CACNA1G: variants seen among roughly 807,000 people sequenced by gnomAD.
CACNA1G encodes calcium voltage-gated channel subunit alpha1 G.
Under a neutral mutation model 219.4 loss-of-function variants are expected in CACNA1G, and 67 were observed. That is an observed-to-expected ratio of 0.31 (90% CI 0.25 to 0.37). CACNA1G has a LOEUF of 0.37. CACNA1G is among the 10% of genes least tolerant of loss of function. CACNA1G has a pLI of 1.00. For missense variants in CACNA1G, 2,380 were observed against 3,231.4 expected, an observed-to-expected ratio of 0.74 and a Z score of 6.39; for synonymous variants, 1,296 against 1,345.3, an observed-to-expected ratio of 0.96 and a Z score of 0.80.
chr17:50,585,055 A>G (rs1476358780), intron 9 of CACNA1G, among the ~76,000 whole-genome samples: 2 of 152,130 alleles, frequency 1.3e-5, no homozygotes, highest in African/African-American at 4.8e-5. Context: ...TCTTCGTCAG[A>G]AGGGCAGCCT....
chr17:50,624,324 T>TCCCCCCCCCCCCC, intron 36 of CACNA1G, 36 bp from the exon 37 acceptor site: 18 of 1,177,652 alleles, frequency 1.5e-5, no homozygotes, highest in Non-Finnish European at 1.7e-5. Flanking sequence ...CTCCATTCTC[T>TCCCCCCCCCCCCC]CCCCCCACCC....
Position 50,585,606 on chromosome 17 carries a change from ACCAT to A in CACNA1G, c.2302-4864_2302-4861del, listed in dbSNP as rs2042842166. On this transcript the variant is annotated intron_variant, in intron 9 of 37. Transcript: ENST00000359106. ...CCTCTGATTAGGAGGCCCTGGGGGCACCATGACACCTAGCAGTGTGCCCAGTGGG... is the reference window on the plus strand; with the variant it reads ...CCTCTGATTAGGAGGCCCTGGGGGCAGACACCTAGCAGTGTGCCCAGTGGG... Among the ~76,000 whole-genome samples, 4 of 152,156 alleles carry A rather than the reference ACCAT, an allele frequency of 2.6e-5. No individual in the cohort carries two copies. The South Asian group carries it at 8.3e-4, about 32-fold the overall frequency.
Position 50,624,417 on chromosome 17 carries a change from C to A in CACNA1G, c.6287C>A (p.Pro2096His). ...GATACCAGCTACATCCTGCAGCTTC[C>A]CAAAGATGCACCTCATCTGCTCCAG... ...PADTSYILQL[P>H]KDAPHLLQPH... is the part of the protein sequence containing the mutation. Residue 2096 changes from proline to histidine, a missense_variant, in exon 37 of 38, where the codon CCC (proline) becomes CAC (histidine). By Grantham distance (77) the Pro-to-His change is moderately conservative (BLOSUM62 -2). This residue lies in a region of CACNA1G where 672 missense variants were observed against 670.5 expected (regional missense o/e 1.00). Transcript: ENST00000359106. 1.2e-6 allele frequency: 2 copies of A among 1,600,410 alleles called. No individual in the cohort carries two copies. The highest frequency in any genetic ancestry group is 1.7e-6 in the Non-Finnish European group (2 of 1,174,096).
rs1194503125 is a variant in CACNA1G at position 50,618,540 on chromosome 17, C to A, written c.5428-115C>A. 2.2e-5 allele frequency: 23 copies of A among 1,037,664 alleles called. No homozygotes were observed. Among genetic ancestry groups the A allele is most frequent in the Middle Eastern group, 2.2e-4 (1 of 4,576 alleles). 64.3% of individuals were successfully genotyped at this position (1,037,664 alleles called of 1,614,324 possible). A position where few individuals can be genotyped will look rare whatever the true frequency, so the allele number is the denominator to read the frequency against. ...GCTCCTCTGCCCCCAAACACTCCCT[C>A]CTCCTCCCCTTCCTTCCCATCCTCC... is the stretch of plus-strand genomic sequence containing the variant. On this transcript the variant is annotated intron_variant, in intron 32 of 37. Coordinates refer to ENST00000359106, the MANE Select transcript of CACNA1G (RefSeq NM_018896.5). The surrounding 1 kb of genome is among the most constrained non-coding windows in gnomAD (Gnocchi z 5.3).
At chr17:50,589,195 A>C (rs2043634240) in intron 9 of CACNA1G, among the ~76,000 whole-genome samples, 1 of 151,416 alleles carries the variant, frequency 6.6e-6, no homozygotes, top group Non-Finnish European at 1.5e-5. Flanking sequence ...GCCTGGCCAC[A>C]CCCCTCCCTT....
rs4794170 is a variant in CACNA1G, at chr17:50,605,562, T to C, written c.4297-336T>C. Among the ~76,000 whole-genome samples the C allele has an allele frequency of 0.27, 40,498 of 152,128 alleles. 6,060 individuals are homozygous for C. Among genetic ancestry groups the C allele is most frequent in the Middle Eastern group, 0.34 (101 of 294 alleles). ...TGATTCAGCAGATCTGGGCTGGACCTGAGAAGATGTGTTTCTAGCATGTTC... is the reference window on the plus strand; with the variant it reads ...TGATTCAGCAGATCTGGGCTGGACCCGAGAAGATGTGTTTCTAGCATGTTC... On this transcript the variant is annotated intron_variant, in intron 22 of 37. Coordinates refer to ENST00000359106, the MANE Select transcript of CACNA1G (RefSeq NM_018896.5).
intron 16 of CACNA1G, among the ~76,000 whole-genome samples, chr17:50,598,711 G>A (rs1012725677): frequency 1.3e-5 from 2 of 152,148 alleles, no homozygotes; most frequent in African/African-American, 4.8e-5. Context: ...GTGACGTTGA[G>A]CATTTCTTCA....
intron 9 of CACNA1G, among the ~76,000 whole-genome samples, chr17:50,587,643 A>G (rs538302544): frequency 6.6e-6 from 1 of 152,200 alleles, no homozygotes; most frequent in Non-Finnish European, 1.5e-5. Flanking sequence ...TTGCAGGGAG[A>G]CTAGAGAGAG....
intron 37 of CACNA1G, 137 bp from the exon 38 acceptor site, chr17:50,625,880 C>T (rs999943983): frequency 1.1e-5 from 10 of 876,478 alleles, no homozygotes; most frequent in African/African-American, 5.1e-5. Flanking sequence ...CTAGTAAGAG[C>T]GGCTACCAGG....
At position 50,604,179 on chromosome 17, in the gene CACNA1G, G is replaced by A. The variant is rs2047443415; in HGVS notation, c.4194G>A (p.Leu1398=). 1.9e-6 allele frequency: 3 copies of A among 1,613,542 alleles called. No homozygotes were observed. The highest frequency in any genetic ancestry group is 2.5e-6 in the Non-Finnish European group (3 of 1,179,666). The change falls in exon 22 of 38, where the codon CTG becomes CTA. Residue 1398 remains leucine, a synonymous_variant. Transcript: ENST00000359106. The part of the protein sequence containing the change: ...PLRVISRAQG[L]KLVVETLMSS... The stretch of plus-strand genomic sequence containing the variant: ...GGGTGATCAGCCGGGCGCAGGGGCT[G>A]AAGCTGGTGGTGGAGACGCTGATGT...
At chr17:50,581,401 G>T (rs2041930622) in intron 9 of CACNA1G, among the ~76,000 whole-genome samples, 1 of 152,030 alleles carries the variant, frequency 6.6e-6, no homozygotes. Flanking sequence ...TGGATGGGGG[G>T]GCGGGCACTG....
intron 4 of CACNA1G, among the ~76,000 whole-genome samples, chr17:50,570,940 C>G (rs2039297800): frequency 6.6e-6 from 1 of 152,106 alleles, no homozygotes; most frequent in South Asian, 2.1e-4. Context: ...CTGGAGGGGC[C>G]AGGGGGCCAT....
chr17:50,589,142 T>A (rs1385396756), intron 9 of CACNA1G, among the ~76,000 whole-genome samples: 1 of 152,046 alleles, frequency 6.6e-6, no homozygotes, highest in Non-Finnish European at 1.5e-5. Context: ...GACAGTGGGG[T>A]CCATTGAGCC....
chr17:50,587,509 G>A (rs1361345021), intron 9 of CACNA1G, among the ~76,000 whole-genome samples: 1 of 152,216 alleles, frequency 6.6e-6, no homozygotes, highest in African/African-American at 2.4e-5. Context: ...TTCGCAGATC[G>A]TTCCCAGCCT....
chr17:50,597,015 A>G, intron 16 of CACNA1G, 92 bp downstream of exon 16: 1 of 1,215,960 alleles, frequency 8.2e-7, no homozygotes, highest in Non-Finnish European at 1.1e-6. Flanking sequence ...CCAAGGGCAC[A>G]GCCCCTGCCC....
At chr17:50,591,230 G>A (rs980360717) in intron 10 of CACNA1G, among the ~76,000 whole-genome samples, 4 of 152,228 alleles carry the variant, frequency 2.6e-5, no homozygotes, top group African/African-American at 9.6e-5. Flanking sequence ...CTGGCAGGGA[G>A]GAGAGGGCGG....
Position 50,615,385 on chromosome 17 carries a change from C to T in CACNA1G, c.4784C>T (p.Ser1595Phe). Residue 1595 changes from serine (S) to phenylalanine (F), a missense_variant, in exon 27 of 38, where the codon TCC becomes TTC. Transcript: ENST00000359106. ...ASEAQCKPYYSDYSRFRLLVH... is the reference protein window; with the variant it reads ...ASEAQCKPYYFDYSRFRLLVH... ...GAAGCCCAGTGCAAACCTTACTACTCCGACTACTCCCGCTTCCGGCTCCTC... is the reference window on the plus strand; with the variant it reads ...GAAGCCCAGTGCAAACCTTACTACTTCGACTACTCCCGCTTCCGGCTCCTC... The T allele has an allele frequency of 6.2e-7, 1 of 1,611,146 alleles. No homozygotes were observed. The highest frequency in any genetic ancestry group is 8.5e-7 in the Non-Finnish European group (1 of 1,177,842).
rs531989520 is a variant in CACNA1G, at chr17:50,568,790, CGAG to C, written c.243-72_243-70del. The C allele has an allele frequency of 2.8e-4, 296 of 1,074,322 alleles. No individual in the cohort carries two copies. In the African/African-American group the frequency reaches 3.9e-3, roughly 14 times the overall value. The allele number at this position is 1,074,322 out of a possible 1,614,324, so 66.5% of individuals were successfully genotyped here. A position where few individuals can be genotyped will look rare whatever the true frequency, so the allele number is the denominator to read the frequency against. On this transcript the variant is annotated intron_variant, in intron 1 of 37. Coordinates refer to ENST00000359106, the MANE Select transcript of CACNA1G (RefSeq NM_018896.5). ...GCCTCAGATGGAGCCAGGAGGTAAA[CGAG>C]GAGGAGGTGTTAGGGCGGGGTCGGG...
At position 50,626,269 on chromosome 17, in the gene CACNA1G, G is replaced by A; in HGVS notation, c.6652G>A (p.Asp2218Asn). The change falls in exon 38 of 38, where the codon GAC becomes AAC. Residue 2218 changes from aspartate to asparagine, a missense_variant. This residue lies in a region of CACNA1G where 672 missense variants were observed against 670.5 expected (regional missense o/e 1.00). Transcript: ENST00000359106. The surrounding 1 kb of genome is among the most constrained non-coding windows in gnomAD (Gnocchi z 4.3). ...AGAGACCAGAAGCAGCTTAGAGTTG[G>A]ACACGGAGCTGAGCTGGATTTCAGG... Reference protein sequence around the residue: ...PPETRSSLELDTELSWISGDL... With the variant: ...PPETRSSLELNTELSWISGDL... 6.2e-7 allele frequency: 1 copy of A among 1,613,594 alleles called. No individual in the cohort carries two copies. Among genetic ancestry groups the A allele is most frequent in the East Asian group, 2.2e-5 (1 of 44,868 alleles).
Sources: allele counts gnomAD v4.1 joint callset (sites outside exome capture counted in the v4.1 genomes callset), GRCh38; gene constraint gnomAD v4.1.1; regional missense constraint gnomAD v4.1.1; non-coding constraint Gnocchi (gnomAD v3.1); transcripts MANE v1.5; gene names NCBI Gene and HGNC (gene_info 2026-07-23, HGNC 2026-07-21).